The following B3GALT1 variants were observed in gnomAD, a reference collection of about 807,000 sequenced individuals.
B3GALT1 encodes the protein UDP-Gal:betaGlcNAc beta 1,3-galactosyltransferase, polypeptide 1.
B3GALT1 carries 10 observed loss-of-function variants against 23.2 expected under a neutral mutation model. That is an observed-to-expected ratio of 0.43 (90% CI 0.27 to 0.73). The LOEUF is 0.73. B3GALT1 is among the 30% of genes least tolerant of loss of function. B3GALT1 has a pLI of 0.21. For synonymous variants in B3GALT1, 156 were observed against 141.5 expected, an observed-to-expected ratio of 1.10 and a Z score of -0.73; for missense variants, 299 against 405.4, an observed-to-expected ratio of 0.74 and a Z score of 2.25.
intron 3 of B3GALT1, among the ~76,000 whole-genome samples, chr2:167,724,403 A>G (rs1398307953): frequency 3.3e-5 from 5 of 152,186 alleles, no homozygotes; most frequent in Non-Finnish European, 7.3e-5. Flanking sequence ...TCGGAAACCA[A>G]ACGTATTTGT....
intron 1 of B3GALT1, among the ~76,000 whole-genome samples, chr2:167,346,761 C>CGTGT (rs750555778): frequency 6.8e-6 from 1 of 146,344 alleles, no homozygotes. Flanking sequence ...GGGGGTGGTG[C>CGTGT]GTGTGTGTGT....
chr2:167,769,883 G>A (rs567770314), intron 3 of B3GALT1, among the ~76,000 whole-genome samples: 1 of 152,250 alleles, frequency 6.6e-6, no homozygotes, highest in South Asian at 2.1e-4. Flanking sequence ...GTGCAAACAT[G>A]AATTTTAATT....
At chr2:167,773,356 T>C (rs1301633890) in intron 3 of B3GALT1, among the ~76,000 whole-genome samples, 1 of 152,196 alleles carries the variant, frequency 6.6e-6, no homozygotes, top group Non-Finnish European at 1.5e-5. Context: ...ACTATGCATT[T>C]TCATGATATT....
chr2:167,641,401 A>G (rs1463613108), intron 2 of B3GALT1, among the ~76,000 whole-genome samples: 2 of 152,168 alleles, frequency 1.3e-5, no homozygotes, highest in Non-Finnish European at 2.9e-5. Context: ...GTCAGACTTC[A>G]TGACCAGGGG....
At chr2:167,614,583 T>C (rs1685124750) in intron 2 of B3GALT1, among the ~76,000 whole-genome samples, 1 of 151,982 alleles carries the variant, frequency 6.6e-6, no homozygotes, top group African/African-American at 2.4e-5. Context: ...AACAATCATT[T>C]TGAATATAAG....
chr2:167,568,731 A>C (rs970935273), intron 2 of B3GALT1, among the ~76,000 whole-genome samples: 1 of 151,920 alleles, frequency 6.6e-6, no homozygotes, highest in African/African-American at 2.4e-5. Context: ...ATTTTCATGA[A>C]GTCCAGCTTA....
At position 167,646,105 on chromosome 2, in the gene B3GALT1, C is replaced by T. The variant is rs58381721; in HGVS notation, c.-409-804C>T. Among the ~76,000 whole-genome samples the T allele has an allele frequency of 4.6e-3, 703 of 152,188 alleles. 8 individuals carry two copies. The highest frequency in any genetic ancestry group is 0.015 in the African/African-American group (636 of 41,518). ...GCATAGAGATGATCTCTTTTGACCC[C>T]TCTTTTTATGGGCATCTGAGGTTTG... On this transcript the variant is annotated intron_variant, in intron 2 of 4. Transcript: ENST00000392690.
intron 1 of B3GALT1, among the ~76,000 whole-genome samples, chr2:167,351,067 G>A (rs181672650): frequency 6.6e-6 from 1 of 152,184 alleles, no homozygotes; most frequent in Admixed American, 6.5e-5. Context: ...TCAGGAGTTC[G>A]GGAGCAGTCT....
intron 3 of B3GALT1, among the ~76,000 whole-genome samples, chr2:167,716,395 G>T (rs1469653735): frequency 2.0e-5 from 3 of 152,192 alleles, no homozygotes; most frequent in Admixed American, 6.5e-5. Flanking sequence ...TTTTAAAATT[G>T]CTGTCTTCTT....
At chr2:167,716,041 G>T in intron 3 of B3GALT1, 1 of 1,603,220 alleles carries the variant, frequency 6.2e-7, no homozygotes, top group South Asian at 1.1e-5. Flanking sequence ...AAGTAGGGCC[G>T]AGCGGTAGCG....
intron 2 of B3GALT1, among the ~76,000 whole-genome samples, chr2:167,508,863 G>C (rs550629886): frequency 6.6e-6 from 1 of 151,950 alleles, no homozygotes; most frequent in African/African-American, 2.4e-5. Context: ...TAAATTCAAA[G>C]GTACATGACA....
chr2:167,619,540 A>G (rs1307917210), intron 2 of B3GALT1, among the ~76,000 whole-genome samples: 1 of 152,094 alleles, frequency 6.6e-6, no homozygotes, highest in Non-Finnish European at 1.5e-5. Context: ...ACTTAAACAT[A>G]TATATTATAT....
intron 3 of B3GALT1, among the ~76,000 whole-genome samples, chr2:167,815,928 G>C (rs1398844522): frequency 6.6e-6 from 1 of 152,132 alleles, no homozygotes. Flanking sequence ...CAAAAGAGTA[G>C]ATAATGAACA....
chr2:167,404,932 G>C (rs1698250146), intron 1 of B3GALT1, among the ~76,000 whole-genome samples: 1 of 152,118 alleles, frequency 6.6e-6, no homozygotes, highest in South Asian at 2.1e-4. Flanking sequence ...TACATACATA[G>C]GTAATTTATA....
intron 3 of B3GALT1, among the ~76,000 whole-genome samples, chr2:167,805,914 T>G (rs1325864966): frequency 6.6e-6 from 1 of 152,194 alleles, no homozygotes; most frequent in Non-Finnish European, 1.5e-5. Flanking sequence ...TAAATTACCT[T>G]GGGCAGTATG....
At position 167,543,179 on chromosome 2, in the gene B3GALT1, AAC is replaced by A. The variant is rs774869325; in HGVS notation, c.-410+52904_-410+52905del. 5.3e-5 allele frequency among the ~76,000 whole-genome samples: 8 copies of A among 152,292 alleles called. No homozygotes were observed. In the South Asian group the frequency reaches 1.0e-3, roughly 20 times the overall value. ...TAGAACTATGGGATTTATCCTGTAA[AAC>A]AGAGATGACTTTTTTTGAAATAAAC... On this transcript the variant is annotated intron_variant, in intron 2 of 4. Transcript: ENST00000392690.
chr2:167,356,362 C>T (rs779355678), intron 1 of B3GALT1, among the ~76,000 whole-genome samples: 13 of 152,042 alleles, frequency 8.6e-5, no homozygotes, highest in East Asian at 1.9e-4. Context: ...CAGATTAGAG[C>T]GATGTATTTA....
At chr2:167,763,251 G>A (rs1436916116) in intron 3 of B3GALT1, among the ~76,000 whole-genome samples, 1 of 152,108 alleles carries the variant, frequency 6.6e-6, no homozygotes, top group Non-Finnish European at 1.5e-5. Context: ...TGAAATAAAT[G>A]CTAAAAGTAT....
intron 2 of B3GALT1, among the ~76,000 whole-genome samples, chr2:167,527,059 A>G: frequency 6.6e-6 from 1 of 152,250 alleles, no homozygotes; most frequent in Admixed American, 6.5e-5. Context: ...ATCTGCATTT[A>G]TTACAACTTA....
Sources: allele counts gnomAD v4.1 joint callset (sites outside exome capture counted in the v4.1 genomes callset), GRCh38; gene constraint gnomAD v4.1.1; transcripts MANE v1.5; gene names NCBI Gene and HGNC (gene_info 2026-07-23, HGNC 2026-07-21).